The following PALM2AKAP2 variants were observed in gnomAD, a reference collection of about 807,000 sequenced individuals.
PALM2AKAP2 encodes PALM2-AKAP2 fusion protein.
Under a neutral mutation model 71.5 loss-of-function variants are expected in PALM2AKAP2, and 37 were observed. The observed-to-expected ratio is 0.52, with a 90% CI of 0.40 to 0.68. The LOEUF is 0.68. Ranked by LOEUF, PALM2AKAP2 falls within the 30% of genes least tolerant of loss-of-function variation. The probability of loss-of-function intolerance (pLI) is 0.00; values close to 1 mark genes in which losing one functional copy is unlikely to be tolerated. For missense variants in PALM2AKAP2, 1,224 were observed against 1,191.8 expected (o/e 1.03, Z -0.40); for synonymous variants, 468 against 478.8 (o/e 0.98, Z 0.29).
intron 1 of PALM2AKAP2, among the ~76,000 whole-genome samples, chr9:110,114,913 T>C (rs1835330982): frequency 6.6e-6 from 1 of 152,198 alleles, no homozygotes; most frequent in Admixed American, 6.5e-5. Context: ...TGAGAGAAGG[T>C]AGTAGTCGGT....
intron 1 of PALM2AKAP2, among the ~76,000 whole-genome samples, chr9:110,123,152 A>C (rs1409575243): frequency 6.6e-6 from 1 of 152,228 alleles, no homozygotes; most frequent in African/African-American, 2.4e-5. Flanking sequence ...TGCATGCACA[A>C]ATACAAATGC....
intron 2 of PALM2AKAP2, among the ~76,000 whole-genome samples, chr9:109,877,651 A>G (rs1011786024): frequency 1.3e-5 from 2 of 152,084 alleles, no homozygotes; most frequent in African/African-American, 4.8e-5. Flanking sequence ...TAGCCTATAA[A>G]CTCCTTTAAT....
chr9:110,015,594 G>A (rs1298160193), intron 6 of PALM2AKAP2, among the ~76,000 whole-genome samples: 3 of 152,092 alleles, frequency 2.0e-5, no homozygotes, highest in Admixed American at 2.0e-4. Flanking sequence ...CAACAAGAGT[G>A]CAACTTGGTC....
At chr9:110,008,229 G>A (rs1156767495) in intron 6 of PALM2AKAP2, among the ~76,000 whole-genome samples, 1 of 152,098 alleles carries the variant, frequency 6.6e-6, no homozygotes, top group African/African-American at 2.4e-5. Flanking sequence ...GAGACAGGAG[G>A]ACAGAAGAAT....
intron 6 of PALM2AKAP2, among the ~76,000 whole-genome samples, chr9:110,014,731 C>T (rs994528975): frequency 7.1e-6 from 1 of 140,968 alleles, no homozygotes; most frequent in Non-Finnish European, 1.5e-5. Flanking sequence ...CAAGATTGCA[C>T]CACTGCATTC....
At chr9:109,926,626 A>G (rs1283866045) in intron 5 of PALM2AKAP2, among the ~76,000 whole-genome samples, 1 of 152,176 alleles carries the variant, frequency 6.6e-6, no homozygotes, top group Non-Finnish European at 1.5e-5. Context: ...GGCTGGGATG[A>G]AGTGTGGGAC....
At chr9:109,679,387 T>C (rs1463158612) in intron 1 of PALM2AKAP2, among the ~76,000 whole-genome samples, 1 of 152,102 alleles carries the variant, frequency 6.6e-6, no homozygotes, top group Non-Finnish European at 1.5e-5. Flanking sequence ...CTTTGTTCTC[T>C]TCTGTTCCAT....
At chr9:109,682,669 G>A (rs186906663) in intron 1 of PALM2AKAP2, among the ~76,000 whole-genome samples, 1 of 152,126 alleles carries the variant, frequency 6.6e-6, no homozygotes, top group African/African-American at 2.4e-5. Context: ...AGTACCTTAT[G>A]TTGCACAATA....
At chr9:109,745,954 A>G (rs141849227) in intron 1 of PALM2AKAP2, among the ~76,000 whole-genome samples, 1 of 152,350 alleles carries the variant, frequency 6.6e-6, no homozygotes, top group East Asian at 1.9e-4. Context: ...TATTTTTACT[A>G]GCCTGCAGAG....
At chr9:109,802,322 C>T (rs1453720597) in intron 1 of PALM2AKAP2, among the ~76,000 whole-genome samples, 2 of 152,142 alleles carry the variant, frequency 1.3e-5, no homozygotes, top group Non-Finnish European at 2.9e-5. Flanking sequence ...TTAAATGCTC[C>T]ATAGCCATAT....
intron 6 of PALM2AKAP2, among the ~76,000 whole-genome samples, chr9:109,962,690 T>C (rs377249546): frequency 1.4e-4 from 22 of 151,864 alleles, no homozygotes; most frequent in African/African-American, 5.1e-4. Flanking sequence ...TCACCCAGGC[T>C]GGAGTGCAGT....
intron 1 of PALM2AKAP2, among the ~76,000 whole-genome samples, chr9:109,730,930 TC>T (rs150314730): frequency 0.022 from 3,388 of 152,072 alleles, 134 homozygotes; most frequent in African/African-American, 0.078. Flanking sequence ...TAACATAACA[TC>T]CCTTATACTA....
chr9:110,129,537 A>G (rs925356470), intron 1 of PALM2AKAP2, among the ~76,000 whole-genome samples: 2 of 152,234 alleles, frequency 1.3e-5, no homozygotes, highest in African/African-American at 4.8e-5. Flanking sequence ...TAAGACTGAA[A>G]TAAAATTCAT....
intron 1 of PALM2AKAP2, among the ~76,000 whole-genome samples, chr9:109,855,296 C>T (rs966265486): frequency 1.3e-5 from 2 of 151,572 alleles, no homozygotes; most frequent in Non-Finnish European, 2.9e-5. Flanking sequence ...TGGTCTCGAA[C>T]TCCTGAGCTC....
chr9:109,703,099 G>T (rs567785741), intron 1 of PALM2AKAP2, among the ~76,000 whole-genome samples: 2 of 152,152 alleles, frequency 1.3e-5, no homozygotes, highest in African/African-American at 4.8e-5. Flanking sequence ...AATTATAGGC[G>T]TGAGCCACTG....
At chr9:109,771,388 C>A (rs972549016) in intron 1 of PALM2AKAP2, among the ~76,000 whole-genome samples, 4 of 152,082 alleles carry the variant, frequency 2.6e-5, no homozygotes, top group African/African-American at 9.7e-5. Context: ...TGGAATGGGA[C>A]GAACAGATGA....
At chr9:110,005,409 G>A (rs552409432) in intron 6 of PALM2AKAP2, among the ~76,000 whole-genome samples, 2 of 152,316 alleles carry the variant, frequency 1.3e-5, no homozygotes, top group South Asian at 2.1e-4. Flanking sequence ...AGCAGTACCC[G>A]GCTATGTGAG....
At chr9:109,923,801 C>T in exon 4 of PALM2AKAP2, 1 of 1,603,446 alleles carries the variant, frequency 6.2e-7, no homozygotes, top group Non-Finnish European at 8.5e-7. Flanking sequence ...AGCAAATCAT[C>T]CTAGAGAAAC....
intron 1 of PALM2AKAP2, among the ~76,000 whole-genome samples, chr9:109,685,320 G>C (rs752470659): frequency 1.3e-5 from 2 of 152,194 alleles, no homozygotes; most frequent in South Asian, 2.1e-4. Flanking sequence ...ATTATACCTT[G>C]AAAAAGCCGA....
Sources: allele counts gnomAD v4.1 joint callset (sites outside exome capture counted in the v4.1 genomes callset), GRCh38; gene constraint gnomAD v4.1.1; transcripts MANE v1.5; gene names NCBI Gene and HGNC (gene_info 2026-07-23, HGNC 2026-07-21).